The following SFXN5 variants were observed in gnomAD, a reference collection of about 807,000 sequenced individuals.
SFXN5 encodes the protein sideroflexin-5.
Under a neutral mutation model 50.2 loss-of-function variants are expected in SFXN5, and 43 were observed. The observed-to-expected ratio is 0.86, with a 90% CI of 0.67 to 1.11. The LOEUF (loss-of-function observed/expected upper bound fraction) is 1.11, where lower values mean the gene tolerates loss of function less well. Among genes scored for constraint, SFXN5 ranks in the 50% least tolerant of loss-of-function variants. SFXN5 has a pLI of 0.00. For synonymous variants in SFXN5, 203 were observed against 185.8 expected (o/e 1.09, Z -0.75); for missense variants, 463 against 454.1 (o/e 1.02, Z -0.18).
intron 13 of SFXN5, among the ~76,000 whole-genome samples, chr2:72,949,700 C>A (rs1672321499): frequency 6.6e-6 from 1 of 151,958 alleles, no homozygotes; most frequent in African/African-American, 2.4e-5. Flanking sequence ...TCCTGGGGAG[C>A]ATCTGTGGGA....
chr2:72,953,243 A>G lies in SFXN5; in HGVS notation c.945+7888T>C, dbSNP rs1202028363. On this transcript the variant is annotated intron_variant, in intron 13 of 13. Transcript: ENST00000272433. This position sits in a 1 kb window ranked among gnomAD's most constrained non-coding sequence, Gnocchi z 4.1. ...GGGTCCTGTGGGCAAACTCCAAGAA[A>G]GCAGCGGGCGGGGAGGCAGCAGATT... is the stretch of plus-strand genomic sequence containing the variant. Among the ~76,000 whole-genome samples the G allele has an allele frequency of 2.6e-5, 4 of 152,166 alleles. No individual in the cohort carries two copies. The highest frequency in any genetic ancestry group is 4.8e-5 in the African/African-American group (2 of 41,414).
Position 73,000,351 on chromosome 2 carries a change from T to C in SFXN5, c.468+80A>G, listed in dbSNP as rs922233779. On this transcript the variant is annotated intron_variant, in intron 8 of 13. Transcript: ENST00000272433. ...TTAACCAAGAGGCAGCCACTGATGG[T>C]GGCATGTCACGCTGTAGGGAGGATG... 1.5e-4 allele frequency: 204 copies of C among 1,355,282 alleles called. No homozygotes were observed. The South Asian group carries it at 2.5e-3, about 17-fold the overall frequency. 84.0% of individuals were successfully genotyped at this position (1,355,282 alleles called of 1,614,324 possible). A position where few individuals can be genotyped will look rare whatever the true frequency, so the allele number is the denominator to read the frequency against.
At chr2:73,070,915 A>T (rs1193719256) in intron 1 of SFXN5, 1 of 152,086 alleles carries the variant, frequency 6.6e-6, no homozygotes, top group African/African-American at 2.4e-5. Context: ...GCCCCAGGGG[A>T]TGACACAGCG....
At position 72,950,618 on chromosome 2, in the gene SFXN5, T is replaced by C. The variant is rs537288345; in HGVS notation, c.946-5519A>G. Among the ~76,000 whole-genome samples the C allele has an allele frequency of 3.9e-5, 6 of 152,214 alleles. No homozygotes were observed. The highest frequency in any genetic ancestry group is 8.8e-5 in the Non-Finnish European group (6 of 68,038). On this transcript the variant is annotated intron_variant, in intron 13 of 13. Transcript: ENST00000272433. The surrounding 1 kb of genome is among the most constrained non-coding windows in gnomAD (Gnocchi z 4.2). Reference sequence around the variant, plus strand: ...TCCCCTGTCCACCAAAAACTAAGCATCTCCCTTGAAGACCACCTCTCTGAG... The same window carrying C: ...TCCCCTGTCCACCAAAAACTAAGCACCTCCCTTGAAGACCACCTCTCTGAG...
At chr2:72,968,007 T>G (rs1263691925) in intron 12 of SFXN5, among the ~76,000 whole-genome samples, 1 of 152,082 alleles carries the variant, frequency 6.6e-6, no homozygotes, top group Non-Finnish European at 1.5e-5. Context: ...AGGTGGTGAT[T>G]TGCCCCACAG....
chr2:73,055,819 A>G (rs1367896124), intron 2 of SFXN5, among the ~76,000 whole-genome samples: 2 of 152,068 alleles, frequency 1.3e-5, no homozygotes, highest in African/African-American at 4.8e-5. Flanking sequence ...GGGTTTCACC[A>G]TGTTAGCCAG....
Position 72,945,198 on chromosome 2 carries a change from G to A in SFXN5, c.946-99C>T, listed in dbSNP as rs1671800643. The A allele has an allele frequency of 1.5e-5, 17 of 1,164,252 alleles. No individual in the cohort carries two copies. In the East Asian group the frequency reaches 4.0e-4, roughly 28 times the overall value. 72.1% of individuals were successfully genotyped at this position (1,164,252 alleles called of 1,614,324 possible). ...GGACCACCCTGGGCCCCAGAGCTCTGCCCCCTGCACCCCCGTGTCCACCCC... is the reference window on the plus strand; with the variant it reads ...GGACCACCCTGGGCCCCAGAGCTCTACCCCCTGCACCCCCGTGTCCACCCC... On this transcript the variant is annotated intron_variant, in intron 13 of 13. Transcript: ENST00000272433. This position sits in a 1 kb window ranked among gnomAD's most constrained non-coding sequence, Gnocchi z 5.8.
chr2:72,956,450 G>T (rs1294381596), intron 13 of SFXN5, among the ~76,000 whole-genome samples: 1 of 152,106 alleles, frequency 6.6e-6, no homozygotes, highest in Non-Finnish European at 1.5e-5. Context: ...GCACTGGGAT[G>T]TTCCTGCTGA....
At chr2:73,044,999 A>T (rs1680139124) in intron 2 of SFXN5, among the ~76,000 whole-genome samples, 1 of 152,234 alleles carries the variant, frequency 6.6e-6, no homozygotes, top group African/African-American at 2.4e-5. Context: ...AGGAAGAAAA[A>T]GAGGCACAAA....
chr2:73,042,027 T>A (rs1679710953), intron 2 of SFXN5, among the ~76,000 whole-genome samples: 1 of 152,160 alleles, frequency 6.6e-6, no homozygotes, highest in Admixed American at 6.5e-5. Flanking sequence ...GTAGCACTTA[T>A]ATATTTTCAA....
At chr2:73,058,932 G>A in intron 1 of SFXN5, 1 of 442,198 alleles carries the variant, frequency 2.3e-6, no homozygotes, top group Non-Finnish European at 3.2e-6. Context: ...TAGGCTGAAG[G>A]TGAGGCCTGG....
intron 2 of SFXN5, among the ~76,000 whole-genome samples, chr2:73,055,598 CTTTTTTTT>C: frequency 7.5e-6 from 1 of 133,932 alleles, no homozygotes; most frequent in Middle Eastern, 4.0e-3. Flanking sequence ...TTTTCTTTTT[CTTTTTTTT>C]TTTTTTTTTG....
intron 1 of SFXN5, 184 bp downstream of exon 1, chr2:73,071,420 T>G: frequency 1.7e-6 from 1 of 583,386 alleles, no homozygotes; most frequent in Non-Finnish European, 3.0e-6. Flanking sequence ...AAGATGGGAG[T>G]CCGCGCCCGC....
intron 2 of SFXN5, among the ~76,000 whole-genome samples, chr2:73,047,234 AAAAAAAAAAAAATATATATAT>A (rs1680474999): frequency 1.5e-5 from 1 of 66,736 alleles, no homozygotes; most frequent in African/African-American, 7.4e-5. Flanking sequence ...AAAAAAAAAA[AAAAAAAAAAAAATATATATAT>A]ATATATATAT....
intron 3 of SFXN5, among the ~76,000 whole-genome samples, chr2:73,027,102 C>A (rs1677660623): frequency 6.6e-6 from 1 of 152,086 alleles, no homozygotes; most frequent in Non-Finnish European, 1.5e-5. Flanking sequence ...CAGCCTCAGG[C>A]AGGCCCTTCA....
intron 3 of SFXN5, among the ~76,000 whole-genome samples, chr2:73,028,665 C>T (rs566886750): frequency 6.6e-6 from 1 of 152,306 alleles, no homozygotes; most frequent in East Asian, 1.9e-4. Context: ...TGTATTGAGT[C>T]TCACAAATGA....
intron 3 of SFXN5, among the ~76,000 whole-genome samples, chr2:73,029,955 C>T (rs1409819512): frequency 6.6e-6 from 1 of 151,966 alleles, no homozygotes; most frequent in Non-Finnish European, 1.5e-5. Flanking sequence ...ACCTGTAGTC[C>T]CAGCTACTTG....
chr2:72,994,220 C>T (rs1184234778), intron 9 of SFXN5, among the ~76,000 whole-genome samples: 1 of 152,190 alleles, frequency 6.6e-6, no homozygotes, highest in African/African-American at 2.4e-5. Context: ...AGGATGAACA[C>T]CTAAACAATG....
At chr2:73,012,005 C>T (rs987281448) in intron 6 of SFXN5, among the ~76,000 whole-genome samples, 6 of 152,112 alleles carry the variant, frequency 3.9e-5, no homozygotes, top group African/African-American at 1.2e-4. Context: ...GGAGAGGGTG[C>T]CATTCAGCAG....
Sources: gnomAD v4.1 joint callset for allele counts (sites outside exome capture counted in the v4.1 genomes callset) on GRCh38, gnomAD v4.1.1 for gene constraint, Gnocchi (gnomAD v3.1) non-coding constraint, MANE v1.5 for transcripts, NCBI Gene and HGNC (gene_info 2026-07-23, HGNC 2026-07-21) for gene names.